ZFC3H1: variants seen among roughly 807,000 people sequenced by gnomAD.
The protein encoded by ZFC3H1 is zinc finger C3H1 domain-containing protein.
ZFC3H1 carries 71 observed loss-of-function variants against 243.7 expected under a neutral mutation model. The ratio of observed to expected loss-of-function variants is 0.29; its 90% CI spans 0.24 to 0.36. The LOEUF is 0.36. ZFC3H1 is among the 10% of genes least tolerant of loss of function. ZFC3H1 has a pLI of 1.00. For missense variants in ZFC3H1, 1,966 were observed against 2,317.1 expected (o/e 0.85, Z 3.11); for synonymous variants, 838 against 813.0 (o/e 1.03, Z -0.52).
intron 23 of ZFC3H1, 116 bp downstream of exon 23, chr12:71,623,988 C>T (rs1880095449): frequency 9.0e-7 from 1 of 1,111,474 alleles, no homozygotes; most frequent in Non-Finnish European, 1.3e-6. Flanking sequence ...AGTGGAAAAA[C>T]AAGGATTCAA....
chr12:71,641,375 A>G (rs1880599051), intron 6 of ZFC3H1, among the ~76,000 whole-genome samples: 1 of 152,234 alleles, frequency 6.6e-6, no homozygotes, highest in Non-Finnish European at 1.5e-5. Flanking sequence ...TCTCTAGTCT[A>G]GATACACCAA....
At position 71,644,897 on chromosome 12, in the gene ZFC3H1, G is replaced by A. The variant is rs1415340738; in HGVS notation, c.1259C>T (p.Ala420Val). ...ATCACCTGTAGTGCTAACTTTTTTGGCCGAATGTGTTTTTGTACTTGTTTT... is the reference window on the plus strand; with the variant it reads ...ATCACCTGTAGTGCTAACTTTTTTGACCGAATGTGTTTTTGTACTTGTTTT... ...KVKTSTKTHS[A>V]KKVSTTAKQA... The change falls in exon 4 of 35, where the codon GCC (alanine) becomes GTC (valine). Residue 420 changes from alanine to valine, a missense_variant. By Grantham distance (64) the Ala-to-Val change is moderately conservative. Around this residue, in one of 4 missense-constraint regions of ZFC3H1, gnomAD observed 91 missense variants for 107.6 expected, o/e 0.85. Transcript: ENST00000378743. 52 of 1,610,116 alleles carry A rather than the reference G, an allele frequency of 3.2e-5. No individual in the cohort carries two copies. The highest frequency in any genetic ancestry group is 4.2e-5 in the Non-Finnish European group (49 of 1,179,504).
chr12:71,616,149 T>C (rs1418758315), intron 27 of ZFC3H1, among the ~76,000 whole-genome samples: 1 of 152,002 alleles, frequency 6.6e-6, no homozygotes, highest in African/African-American at 2.4e-5. Context: ...AATACAAAAA[T>C]TAGTCAGGTG....
At position 71,654,560 on chromosome 12, in the gene ZFC3H1, C is replaced by T. The variant is rs192031159; in HGVS notation, c.1015+2325G>A. On this transcript the variant is annotated intron_variant, in intron 2 of 34. Coordinates refer to ENST00000378743, the MANE Select transcript of ZFC3H1 (RefSeq NM_144982.5). ...TAAGCAAATATCATTCTTTGTATTT[C>T]GGGGAAAGAGTAAGGTTCCTGATTA... Among the ~76,000 whole-genome samples, 124 of 151,872 alleles carry T rather than the reference C, an allele frequency of 8.2e-4. 2 individuals are homozygous for T. The highest frequency in any genetic ancestry group is 6.4e-3 in the Admixed American group (98 of 15,248).
chr12:71,629,574 C>CACACACAA, intron 19 of ZFC3H1, 35 bp downstream of exon 19: 3 of 1,287,294 alleles, frequency 2.3e-6, no homozygotes, highest in Non-Finnish European at 2.3e-6. Context: ...CACACACACA[C>CACACACAA]ACACACACAC....
intron 2 of ZFC3H1, among the ~76,000 whole-genome samples, chr12:71,654,023 AAAC>A (rs1279955162): frequency 6.6e-6 from 1 of 152,244 alleles, no homozygotes; most frequent in African/African-American, 2.4e-5. Context: ...AAAAACAAAC[AAAC>A]AAAAAGCATA....
At position 71,644,830 on chromosome 12, in the gene ZFC3H1, G is replaced by C. The variant is rs769630804; in HGVS notation, c.1279+47C>G. 19 of 1,582,892 alleles carry C rather than the reference G, an allele frequency of 1.2e-5. No individual in the cohort carries two copies. The African/African-American group carries it at 2.5e-4, about 21-fold the overall frequency. On this transcript the variant is annotated intron_variant, in intron 4 of 34. Coordinates refer to ENST00000378743, the MANE Select transcript of ZFC3H1 (RefSeq NM_144982.5). ...CAAAACTCTGTCTCAAAAAACAAAAGAAAAGAAAACAAAACAAAAACACAA... is the reference window on the plus strand; with the variant it reads ...CAAAACTCTGTCTCAAAAAACAAAACAAAAGAAAACAAAACAAAAACACAA...
intron 18 of ZFC3H1, among the ~76,000 whole-genome samples, chr12:71,629,928 AG>A (rs1220082562): frequency 6.6e-6 from 1 of 151,698 alleles, no homozygotes; most frequent in Non-Finnish European, 1.5e-5. Context: ...AAAAAAAAAA[AG>A]TAGTTCCTAA....
chr12:71,654,415 T>G (rs1880965262), intron 2 of ZFC3H1, among the ~76,000 whole-genome samples: 1 of 152,190 alleles, frequency 6.6e-6, no homozygotes, highest in Non-Finnish European at 1.5e-5. Flanking sequence ...CACTCTAGCC[T>G]GGGCAACACA....
rs745862351 is a variant in ZFC3H1, at chr12:71,614,730, ATAAC to A, written c.5361-34_5361-31del. ...CAAAAGAAAAATATTATAATTTAGA[ATAAC>A]TAAGACAGTAGTTCTCTCACCAAGA... On this transcript the variant is annotated intron_variant, in intron 29 of 34. Coordinates refer to ENST00000378743, the MANE Select transcript of ZFC3H1 (RefSeq NM_144982.5). 4.4e-6 allele frequency: 7 copies of A among 1,597,022 alleles called. No homozygotes were observed. In the African/African-American group the frequency reaches 9.5e-5, roughly 22 times the overall value.
intron 2 of ZFC3H1, among the ~76,000 whole-genome samples, chr12:71,651,579 G>A (rs1880887857): frequency 6.6e-6 from 1 of 152,214 alleles, no homozygotes; most frequent in African/African-American, 2.4e-5. Context: ...TTAGGTCACA[G>A]AAAACTACCA....
chr12:71,609,705 TA>T lies in ZFC3H1; in HGVS notation c.*722del, dbSNP rs1209297975. ...AAATATTAACTGTTCTTTAAACTGT[TA>T]AACTTTATTATAAATTAAAATTTCT... On this transcript the variant is annotated 3_prime_UTR_variant, in exon 35 of 35. Transcript: ENST00000378743. 2 of 152,598 alleles carry T rather than the reference TA, an allele frequency of 1.3e-5. No homozygotes were observed. The highest frequency in any genetic ancestry group is 2.9e-5 in the Non-Finnish European group (2 of 68,028). The allele number at this position is 152,598 out of a possible 1,614,324, so 9.5% of individuals were successfully genotyped here.
chr12:71,617,842 GC>G (rs1358235080), intron 27 of ZFC3H1, among the ~76,000 whole-genome samples: 1 of 152,148 alleles, frequency 6.6e-6, no homozygotes, highest in Non-Finnish European at 1.5e-5. Flanking sequence ...AGAAAGAAGG[GC>G]CCTTTGGGAA....
rs1186102430 is a variant in ZFC3H1, at chr12:71,619,004, G to T, written c.5144+311C>A. Among the ~76,000 whole-genome samples the T allele has an allele frequency of 3.9e-5, 6 of 152,014 alleles. No homozygotes were observed. The South Asian group carries it at 1.0e-3, about 26-fold the overall frequency. ...GTAAAAAATCACTGAGATTGCCTTGGGATAATTAAGTGCTATAATATTAAG... is the reference window on the plus strand; with the variant it reads ...GTAAAAAATCACTGAGATTGCCTTGTGATAATTAAGTGCTATAATATTAAG... On this transcript the variant is annotated intron_variant, in intron 27 of 34. Transcript: ENST00000378743.
intron 30 of ZFC3H1, among the ~76,000 whole-genome samples, chr12:71,614,286 C>T (rs1436518606): frequency 6.6e-6 from 1 of 151,882 alleles, no homozygotes; most frequent in African/African-American, 2.4e-5. Context: ...AATATCCCTT[C>T]ATTTTGCTTC....
intron 5 of ZFC3H1, among the ~76,000 whole-genome samples, chr12:71,643,568 G>A (rs921862578): frequency 1.1e-4 from 17 of 151,974 alleles, no homozygotes; most frequent in African/African-American, 2.4e-4. Flanking sequence ...CTTTTTGGGT[G>A]GAGAGGGTAA....
chr12:71,630,918 G>A lies in ZFC3H1; in HGVS notation c.3507C>T (p.Pro1169=), dbSNP rs368954418. The change falls in exon 17 of 35, where the codon CCC becomes CCT. Residue 1169 remains proline (P), a synonymous_variant. Coordinates refer to ENST00000378743, the MANE Select transcript of ZFC3H1 (RefSeq NM_144982.5). ...TATTACTGTATGATACTGAGCTCAGGGGAAGTTTTTCCTTGGTTCGATAAT... is the reference window on the plus strand; with the variant it reads ...TATTACTGTATGATACTGAGCTCAGAGGAAGTTTTTCCTTGGTTCGATAAT... The part of the protein sequence containing the change: ...SPYYRTKEKL[P]LSSVSYSNMI... The A allele has an allele frequency of 1.2e-6, 2 of 1,611,986 alleles. No homozygotes were observed. Among genetic ancestry groups the A allele is most frequent in the Middle Eastern group, 1.6e-4 (1 of 6,076 alleles).
Position 71,635,429 on chromosome 12 carries a change from A to G in ZFC3H1, c.2238+14T>C. 6.4e-7 allele frequency: 1 copy of G among 1,558,640 alleles called. No homozygotes were observed. Among genetic ancestry groups the G allele is most frequent in the African/African-American group, 1.4e-5 (1 of 71,206 alleles). On this transcript the variant is annotated intron_variant, in intron 10 of 34. Coordinates refer to ENST00000378743, the MANE Select transcript of ZFC3H1 (RefSeq NM_144982.5). ...AAGGTCATCTTTCTTTCCACCTTTA[A>G]TTATTGCACTTACCTCAGCAGTTCG... is the stretch of plus-strand genomic sequence containing the variant.
intron 29 of ZFC3H1, 45 bp downstream of exon 29, chr12:71,614,789 C>A: frequency 1.3e-6 from 2 of 1,599,748 alleles, no homozygotes; most frequent in Non-Finnish European, 1.7e-6. Flanking sequence ...CGATCATACC[C>A]CTTTATCCCC....
Sources: allele counts gnomAD v4.1 joint callset (sites outside exome capture counted in the v4.1 genomes callset), GRCh38; gene constraint gnomAD v4.1.1; regional missense constraint gnomAD v4.1.1; transcripts MANE v1.5; gene names NCBI Gene and HGNC (gene_info 2026-07-23, HGNC 2026-07-21).